GRID2: variants seen among roughly 807,000 people sequenced by gnomAD.
The protein encoded by GRID2 is glutamate receptor ionotropic, delta-2.
GRID2 carries 33 observed loss-of-function variants against 114.8 expected under a neutral mutation model. The observed-to-expected ratio is 0.29, with a 90% CI of 0.22 to 0.38. GRID2 has a LOEUF of 0.38. Among genes scored for constraint, GRID2 ranks in the 10% least tolerant of loss-of-function variants. The pLI is 1.00. For synonymous variants in GRID2, 505 were observed against 449.9 expected, an observed-to-expected ratio of 1.12 and a Z score of -1.55; for missense variants, 1,184 against 1,257.7, an observed-to-expected ratio of 0.94 and a Z score of 0.89.
intron 2 of GRID2, among the ~76,000 whole-genome samples, chr4:92,966,337 G>A (rs73837373): frequency 4.2e-4 from 64 of 151,974 alleles, no homozygotes; most frequent in African/African-American, 1.4e-3. Context: ...CGACCCTTCG[G>A]CCAAAAAGGA....
intron 9 of GRID2, among the ~76,000 whole-genome samples, chr4:93,398,149 A>ATATATATATATATATATATATC (rs1560579261): frequency 1.4e-5 from 2 of 145,316 alleles, no homozygotes; most frequent in African/African-American, 5.4e-5. Flanking sequence ...ATATATATAT[A>ATATATATATATATATATATATC]TATCTTATCA....
At chr4:92,643,329 G>A (rs1235854076) in intron 2 of GRID2, among the ~76,000 whole-genome samples, 2 of 151,288 alleles carry the variant, frequency 1.3e-5, no homozygotes, top group African/African-American at 4.8e-5. Context: ...ACTACTGGAA[G>A]TCTTAGCCAG....
chr4:92,772,811 T>C (rs2149353275), intron 2 of GRID2, among the ~76,000 whole-genome samples: 1 of 152,312 alleles, frequency 6.6e-6, no homozygotes, highest in African/African-American at 2.4e-5. Context: ...CTGTTTGTCA[T>C]GGGACCTGTT....
chr4:93,702,695 T>G (rs1727616564), intron 14 of GRID2, among the ~76,000 whole-genome samples: 1 of 152,154 alleles, frequency 6.6e-6, no homozygotes. Context: ...CTCAGCAATT[T>G]CTGGAAGTTT....
At chr4:92,589,848 C>T (rs1560475982) in intron 1 of GRID2, among the ~76,000 whole-genome samples, 1 of 152,090 alleles carries the variant, frequency 6.6e-6, no homozygotes, top group Non-Finnish European at 1.5e-5. Context: ...GTATTGGATA[C>T]TTTGTCATGT....
chr4:93,119,252 A>G (rs1001271429), intron 4 of GRID2, among the ~76,000 whole-genome samples: 11 of 152,230 alleles, frequency 7.2e-5, no homozygotes, highest in African/African-American at 1.7e-4. Context: ...GTTACACAAT[A>G]TATCTGTAAG....
At chr4:92,694,066 A>G (rs1419833626) in intron 2 of GRID2, among the ~76,000 whole-genome samples, 1 of 152,142 alleles carries the variant, frequency 6.6e-6, no homozygotes, top group African/African-American at 2.4e-5. Context: ...GAAAGAATAC[A>G]AGCATACAAA....
chr4:92,502,388 A>G (rs17019403), intron 1 of GRID2, among the ~76,000 whole-genome samples: 1,642 of 152,136 alleles, frequency 0.011, 28 homozygotes, highest in African/African-American at 0.038. Context: ...GATGATTTCA[A>G]CTCTCGGTAA....
chr4:92,650,229 T>C (rs1301306715), intron 2 of GRID2, among the ~76,000 whole-genome samples: 1 of 152,064 alleles, frequency 6.6e-6, no homozygotes, highest in Non-Finnish European at 1.5e-5. Flanking sequence ...TAGCAAGTCA[T>C]TCGGTTATAG....
rs150284803 is a variant in GRID2 at position 92,687,460 on chromosome 4, T to A, written c.244+97174T>A. 3.7e-4 allele frequency among the ~76,000 whole-genome samples: 57 copies of A among 152,268 alleles called. 1 individual carries two copies. The highest frequency in any genetic ancestry group is 3.4e-3 in the Middle Eastern group (1 of 294). On this transcript the variant is annotated intron_variant, in intron 2 of 15. Transcript: ENST00000282020. ...AGCTTCCAAGTGAAAATAACACTTA[T>A]GTTTATGTGATACTGTAGTCTATTA...
At chr4:93,569,743 C>T (rs1387501699) in intron 13 of GRID2, among the ~76,000 whole-genome samples, 6 of 152,020 alleles carry the variant, frequency 3.9e-5, no homozygotes, top group Non-Finnish European at 7.4e-5. Context: ...TTTGTTTTTT[C>T]TTCCATGTGT....
At chr4:93,790,037 G>A (rs566652272) in intron 1 of GRID2, among the ~76,000 whole-genome samples, 77 of 152,062 alleles carry the variant, frequency 5.1e-4, no homozygotes, top group Non-Finnish European at 8.4e-4. Context: ...CTGATGATCT[G>A]AGGTGGAACA....
chr4:93,279,104 A>G (rs1752378080), intron 8 of GRID2, among the ~76,000 whole-genome samples: 1 of 151,820 alleles, frequency 6.6e-6, no homozygotes, highest in Admixed American at 6.6e-5. Context: ...TTACCCTTTT[A>G]AAGTACTGCA....
intron 2 of GRID2, among the ~76,000 whole-genome samples, chr4:93,024,745 G>A (rs1210477101): frequency 6.6e-6 from 1 of 151,706 alleles, no homozygotes; most frequent in Admixed American, 6.6e-5. Context: ...TACTTAGGTA[G>A]TATTAATTCC....
chr4:93,797,278 T>G (rs1234831084), intron 1 of GRID2, among the ~76,000 whole-genome samples: 1 of 152,182 alleles, frequency 6.6e-6, no homozygotes, highest in Non-Finnish European at 1.5e-5. Flanking sequence ...TTTTTTGAGG[T>G]TTTATAAGGA....
chr4:93,115,548 T>A (rs748738298), intron 4 of GRID2, among the ~76,000 whole-genome samples: 1 of 152,160 alleles, frequency 6.6e-6, no homozygotes, highest in Non-Finnish European at 1.5e-5. Flanking sequence ...TAATATCTAA[T>A]GGTTATATAA....
chr4:92,454,696 C>A (rs1721116121), intron 1 of GRID2, among the ~76,000 whole-genome samples: 1 of 152,104 alleles, frequency 6.6e-6, no homozygotes, highest in South Asian at 2.1e-4. Flanking sequence ...ATTAGCCGGG[C>A]GTGTTGGCAG....
intron 4 of GRID2, among the ~76,000 whole-genome samples, chr4:93,118,234 T>C (rs1438859422): frequency 1.3e-5 from 2 of 152,146 alleles, no homozygotes; most frequent in African/African-American, 4.8e-5. Flanking sequence ...GCAAAACACT[T>C]TTCTGATGGC....
intron 13 of GRID2, among the ~76,000 whole-genome samples, chr4:93,547,525 G>C (rs1164825720): frequency 6.6e-6 from 1 of 152,144 alleles, no homozygotes; most frequent in South Asian, 2.1e-4. Flanking sequence ...GTGACTTCAC[G>C]AATGTAAAAC....
Sources: gnomAD v4.1 joint callset for allele counts (sites outside exome capture counted in the v4.1 genomes callset) on GRCh38, gnomAD v4.1.1 for gene constraint, MANE v1.5 for transcripts, NCBI Gene and HGNC (gene_info 2026-07-23, HGNC 2026-07-21) for gene names.